DCLK1: variants seen among roughly 807,000 people sequenced by gnomAD.
DCLK1 encodes the protein serine/threonine-protein kinase DCLK1.
Under a neutral mutation model 86.2 loss-of-function variants are expected in DCLK1, and 16 were observed. That is an observed-to-expected ratio of 0.19 (90% confidence interval 0.13 to 0.28). The LOEUF is 0.28. Among genes scored for constraint, DCLK1 ranks in the 10% least tolerant of loss-of-function variants. The pLI is 1.00. For missense variants in DCLK1, 590 were observed against 940.2 expected (o/e 0.63, Z 4.87); for synonymous variants, 369 against 370.5 (o/e 1.00, Z 0.05).
chr13:36,101,938 T>C (rs1885233558), intron 3 of DCLK1, among the ~76,000 whole-genome samples: 2 of 152,082 alleles, frequency 1.3e-5, no homozygotes, highest in African/African-American at 4.8e-5. Context: ...AGATGGGGTT[T>C]CACCGTGTTG....
At chr13:35,966,831 A>G (rs1038146056) in intron 3 of DCLK1, among the ~76,000 whole-genome samples, 3 of 151,936 alleles carry the variant, frequency 2.0e-5, no homozygotes, top group African/African-American at 7.3e-5. Flanking sequence ...GCTGGAGTGC[A>G]GTGGCGTGAT....
rs552451243 is a variant in DCLK1, at chr13:36,096,298, G to A, written c.723+15571C>T. ...TGTAAGAGGCTTCACAGGGGAGACCGGTCCTTGTTTTTGGTTTAGAGATGG... is the reference window on the plus strand; with the variant it reads ...TGTAAGAGGCTTCACAGGGGAGACCAGTCCTTGTTTTTGGTTTAGAGATGG... On this transcript the variant is annotated intron_variant, in intron 3 of 16. Coordinates refer to ENST00000360631, the MANE Select transcript of DCLK1 (RefSeq NM_001330071.2). Among the ~76,000 whole-genome samples, 12 of 152,232 alleles carry A rather than the reference G, an allele frequency of 7.9e-5. No homozygotes were observed. The South Asian group carries it at 2.5e-3, about 32-fold the overall frequency.
At chr13:36,130,563 A>T (rs969936288) in intron 1 of DCLK1, among the ~76,000 whole-genome samples, 1 of 152,120 alleles carries the variant, frequency 6.6e-6, no homozygotes, top group African/African-American at 2.4e-5. Context: ...TTTGAACATG[A>T]GGCAGCCTCG....
intron 4 of DCLK1, among the ~76,000 whole-genome samples, chr13:35,907,641 G>A (rs140618062): frequency 6.6e-5 from 10 of 152,132 alleles, no homozygotes; most frequent in Admixed American, 3.3e-4. Flanking sequence ...GGAAAGGCAG[G>A]ATAGGACAGC....
intron 3 of DCLK1, among the ~76,000 whole-genome samples, chr13:36,090,699 A>C (rs1182383811): frequency 6.6e-6 from 1 of 152,156 alleles, no homozygotes; most frequent in African/African-American, 2.4e-5. Context: ...CTGGATTCCC[A>C]AAACATTTCT....
chr13:35,861,988 C>T (rs564502729), intron 5 of DCLK1, among the ~76,000 whole-genome samples: 5 of 144,568 alleles, frequency 3.5e-5, no homozygotes, highest in Non-Finnish European at 7.5e-5. Context: ...GCGGAGATTG[C>T]GCCCACCGCA....
At chr13:36,125,620 C>T in intron 2 of DCLK1, 142 bp downstream of exon 2, 1 of 1,246,636 alleles carries the variant, frequency 8.0e-7, no homozygotes, top group Non-Finnish European at 1.1e-6. Flanking sequence ...CACAATAGCA[C>T]ATTCGTATGT....
intron 6 of DCLK1, among the ~76,000 whole-genome samples, chr13:35,853,675 G>A (rs897908263): frequency 2.0e-5 from 3 of 152,160 alleles, no homozygotes; most frequent in Admixed American, 6.5e-5. Context: ...AGGAGTTCTC[G>A]CTTATTAAAG....
intron 4 of DCLK1, among the ~76,000 whole-genome samples, chr13:35,928,697 C>T (rs767686042): frequency 3.8e-4 from 58 of 152,188 alleles, no homozygotes; most frequent in Non-Finnish European, 6.3e-4. Context: ...AAGAGCAGTG[C>T]CTGCCCATTG....
At chr13:36,053,746 A>G (rs981941529) in intron 3 of DCLK1, among the ~76,000 whole-genome samples, 1 of 152,048 alleles carries the variant, frequency 6.6e-6, no homozygotes, top group East Asian at 1.9e-4. Context: ...AGATAAGAGG[A>G]ACACCTCATA....
intron 3 of DCLK1, among the ~76,000 whole-genome samples, chr13:36,019,163 C>G (rs1881659077): frequency 6.6e-6 from 1 of 152,128 alleles, no homozygotes; most frequent in South Asian, 2.1e-4. Flanking sequence ...GTCATTTTCT[C>G]CAACATTTTA....
intron 5 of DCLK1, among the ~76,000 whole-genome samples, chr13:35,864,764 C>T (rs549484118): frequency 6.7e-6 from 1 of 149,844 alleles, no homozygotes; most frequent in Non-Finnish European, 1.5e-5. Flanking sequence ...GACTTCATGT[C>T]ACCTCAGCCT....
chr13:35,785,230 T>G (rs527898378), intron 16 of DCLK1, among the ~76,000 whole-genome samples: 2 of 152,320 alleles, frequency 1.3e-5, no homozygotes, highest in South Asian at 4.1e-4. Flanking sequence ...CTCCATGTGT[T>G]ACAGGGCATA....
At chr13:35,921,353 G>A (rs534933815) in intron 4 of DCLK1, among the ~76,000 whole-genome samples, 28 of 151,932 alleles carry the variant, frequency 1.8e-4, no homozygotes, top group South Asian at 8.3e-4. Context: ...CCACCTGCCC[G>A]GCCACAACAC....
At chr13:35,979,204 G>T (rs1879514746) in intron 3 of DCLK1, among the ~76,000 whole-genome samples, 1 of 152,178 alleles carries the variant, frequency 6.6e-6, no homozygotes, top group Admixed American at 6.5e-5. Flanking sequence ...CCACAAAAAG[G>T]CAGTAGCCCA....
At chr13:35,824,391 G>T (rs552796121) in intron 10 of DCLK1, among the ~76,000 whole-genome samples, 5 of 152,158 alleles carry the variant, frequency 3.3e-5, no homozygotes, top group African/African-American at 4.8e-5. Flanking sequence ...TGTTGCCCAG[G>T]CTGGTCTCCA....
intron 3 of DCLK1, among the ~76,000 whole-genome samples, chr13:36,042,372 T>C (rs1388641451): frequency 4.6e-5 from 7 of 152,168 alleles, no homozygotes; most frequent in Non-Finnish European, 8.8e-5. Flanking sequence ...ACTAAATTGG[T>C]TGAGAAACTA....
At chr13:36,107,334 G>GTTTTT in intron 3 of DCLK1, among the ~76,000 whole-genome samples, 1 of 115,772 alleles carries the variant, frequency 8.6e-6, no homozygotes, top group Non-Finnish European at 1.7e-5. Context: ...AGCAGTGGTA[G>GTTTTT]ATTTTTTTTT....
At chr13:35,881,904 T>C (rs1176809612) in intron 4 of DCLK1, among the ~76,000 whole-genome samples, 1 of 152,190 alleles carries the variant, frequency 6.6e-6, no homozygotes, top group African/African-American at 2.4e-5. Context: ...ACATCTCCAA[T>C]CTCATGCTAA....
Sources: allele counts gnomAD v4.1 joint callset (sites outside exome capture counted in the v4.1 genomes callset), GRCh38; gene constraint gnomAD v4.1.1; transcripts MANE v1.5; gene names NCBI Gene and HGNC (gene_info 2026-07-23, HGNC 2026-07-21).